Variants in LYPLAL1 observed in about 807,000 individuals in gnomAD.
LYPLAL1 encodes lysophospholipase like 1.
Under a neutral mutation model 19.7 loss-of-function variants are expected in LYPLAL1, and 23 were observed. That is an observed-to-expected ratio of 1.17 (90% confidence interval 0.84 to 1.65). The LOEUF (loss-of-function observed/expected upper bound fraction) is 1.65. Ranked by LOEUF, LYPLAL1 falls within the 40% of genes most tolerant of loss-of-function variation. The pLI is 0.00. For missense variants in LYPLAL1, 355 were observed against 279.4 expected (o/e 1.27, Z -1.93); for synonymous variants, 119 against 96.3 (o/e 1.24, Z -1.38).
At chr1:219,188,092 T>A (rs538807126) in intron 2 of LYPLAL1, among the ~76,000 whole-genome samples, 1 of 151,942 alleles carries the variant, frequency 6.6e-6, no homozygotes, top group South Asian at 2.1e-4. Context: ...TATTCCCAAG[T>A]GGCACAAATG....
At chr1:219,400,977 T>C in the LYPLAL1 span, among the ~76,000 whole-genome samples, 1 of 152,384 alleles carries the variant, frequency 6.6e-6, no homozygotes, top group East Asian at 1.9e-4. Context: ...AATTACCTTG[T>C]ATCTCAGTCT....
At chr1:219,300,642 C>T in the LYPLAL1 span, among the ~76,000 whole-genome samples, 3 of 147,262 alleles carry the variant, frequency 2.0e-5, no homozygotes, top group Non-Finnish European at 4.4e-5. Context: ...TCACGCCATT[C>T]TCCTGCCTCA....
At chr1:219,311,022 G>A in the LYPLAL1 span, among the ~76,000 whole-genome samples, 14,819 of 152,144 alleles carry the variant, frequency 0.097, 796 homozygotes, top group Non-Finnish European at 0.11. Context: ...CATTGTCTTT[G>A]GCTTATCCAT....
At chr1:219,410,018 A>T in the LYPLAL1 span, 2 of 152,226 alleles carry the variant, frequency 1.3e-5, no homozygotes, top group Admixed American at 6.5e-5. Context: ...ATTCTTCTTC[A>T]TCAGAATTCT....
chr1:219,286,828 T>C, the LYPLAL1 span, among the ~76,000 whole-genome samples: 3 of 152,220 alleles, frequency 2.0e-5, no homozygotes, highest in African/African-American at 7.2e-5. Context: ...CAACTCATGA[T>C]CTTGATTTTC....
the LYPLAL1 span, among the ~76,000 whole-genome samples, chr1:219,331,824 G>A: frequency 3.9e-5 from 6 of 152,194 alleles, no homozygotes; most frequent in African/African-American, 9.6e-5. Context: ...CAATTTTGTG[G>A]GTAATGAAGA....
the LYPLAL1 span, among the ~76,000 whole-genome samples, chr1:219,274,264 G>T: frequency 6.6e-6 from 1 of 152,182 alleles, no homozygotes; most frequent in Admixed American, 6.5e-5. Context: ...TGATGTAGGG[G>T]CCCAACAGCC....
At chr1:219,247,757 C>T in the LYPLAL1 span, among the ~76,000 whole-genome samples, 27 of 152,160 alleles carry the variant, frequency 1.8e-4, no homozygotes, top group Admixed American at 1.1e-3. Flanking sequence ...TAGCAGTTGG[C>T]TTCTGGCATA....
At chr1:219,193,319 C>A in intron 3 of LYPLAL1, 68 bp downstream of exon 3, 2 of 1,280,384 alleles carry the variant, frequency 1.6e-6, no homozygotes, top group South Asian at 1.5e-5. Context: ...TCAAATCTTA[C>A]TTGGAACATT....
At chr1:219,177,792 A>T (rs1302690318) in intron 1 of LYPLAL1, among the ~76,000 whole-genome samples, 1 of 152,192 alleles carries the variant, frequency 6.6e-6, no homozygotes, top group Non-Finnish European at 1.5e-5. Context: ...TTCTGTCTTG[A>T]CACAGCTTCC....
chr1:219,259,679 C>A, the LYPLAL1 span, among the ~76,000 whole-genome samples: 1 of 151,248 alleles, frequency 6.6e-6, no homozygotes, highest in African/African-American at 2.4e-5. Context: ...AGACTATACC[C>A]TGGGTATAGG....
chr1:219,193,119 T>G lies in LYPLAL1; in HGVS notation c.229T>G (p.Trp77Gly). ...TATGAAAGGAGGAATCTCCAATGTA[T>G]GGTTTGACAGATTTAAAATAACCAA... Reference protein sequence around the residue: ...TPMKGGISNVWFDRFKITNDC... With the variant: ...TPMKGGISNVGFDRFKITNDC... Residue 77 changes from tryptophan (W) to glycine (G), a missense_variant, in exon 3 of 5, where the codon TGG becomes GGG. Physicochemically the swap from Trp to Gly is radical, Grantham distance 184. Transcript: ENST00000366928. The G allele has an allele frequency of 1.2e-6, 2 of 1,608,460 alleles. No homozygotes were observed. Among genetic ancestry groups the G allele is most frequent in the Non-Finnish European group, 1.7e-6 (2 of 1,176,490 alleles).
downstream of LYPLAL1, among the ~76,000 whole-genome samples, chr1:219,213,945 A>G (rs922402812): frequency 1.3e-5 from 2 of 152,116 alleles, no homozygotes; most frequent in African/African-American, 4.8e-5. Context: ...AAGAGTGGTG[A>G]GAGCAGACAT....
At chr1:219,413,253 C>T in the LYPLAL1 span, among the ~76,000 whole-genome samples, 1 of 152,176 alleles carries the variant, frequency 6.6e-6, no homozygotes. Context: ...CATCTTCTTT[C>T]TTGAAAGGAA....
At chr1:219,240,063 T>C in the LYPLAL1 span, among the ~76,000 whole-genome samples, 4 of 152,180 alleles carry the variant, frequency 2.6e-5, no homozygotes, top group Non-Finnish European at 5.9e-5. Flanking sequence ...CTAAGACACA[T>C]GGAAAAATAT....
chr1:219,174,131 G>A, intron 1 of LYPLAL1, 150 bp downstream of exon 1: 2 of 1,456,076 alleles, frequency 1.4e-6, no homozygotes, highest in Non-Finnish European at 1.8e-6. Context: ...GTAGATGCAC[G>A]GGCAGCGCCA....
chr1:219,237,908 G>T, the LYPLAL1 span, among the ~76,000 whole-genome samples: 1 of 152,080 alleles, frequency 6.6e-6, no homozygotes, highest in Non-Finnish European at 1.5e-5. Flanking sequence ...ACAATCCCTG[G>T]CCTAGACAAG....
At chr1:219,437,090 G>T in the LYPLAL1 span, 3 of 152,222 alleles carry the variant, frequency 2.0e-5, no homozygotes, top group Admixed American at 6.5e-5. Context: ...GGTGTTTAGT[G>T]TTATCCTCTG....
At chr1:219,384,576 CA>C in the LYPLAL1 span, among the ~76,000 whole-genome samples, 2 of 152,258 alleles carry the variant, frequency 1.3e-5, no homozygotes, top group African/African-American at 4.8e-5. Flanking sequence ...ATAAAATCCA[CA>C]AATTAGGTCG....
Sources: allele counts gnomAD v4.1 joint callset (sites outside exome capture counted in the v4.1 genomes callset), GRCh38; gene constraint gnomAD v4.1.1; transcripts MANE v1.5; gene names NCBI Gene and HGNC (gene_info 2026-07-23, HGNC 2026-07-21).